COX7B2: variants seen among roughly 807,000 people sequenced by gnomAD.
COX7B2 encodes cytochrome c oxidase subunit 7B2, also known as cytochrome c oxidase subunit 7B2, mitochondrial.
For synonymous variants in COX7B2, 37 were observed against 32.1 expected, an observed-to-expected ratio of 1.15 and a Z score of -0.51; for missense variants, 109 against 95.9, an observed-to-expected ratio of 1.14 and a Z score of -0.57.
chr4:46,790,077 G>A (rs1244554361), intron 2 of COX7B2, among the ~76,000 whole-genome samples: 1 of 151,470 alleles, frequency 6.6e-6, no homozygotes, highest in Non-Finnish European at 1.5e-5. Context: ...TATGTGAAAA[G>A]GTACTACTCT....
At chr4:46,861,362 AG>A (rs1717324281) in intron 1 of COX7B2, among the ~76,000 whole-genome samples, 1 of 152,186 alleles carries the variant, frequency 6.6e-6, no homozygotes, top group South Asian at 2.1e-4. Flanking sequence ...GAGAAAAAGT[AG>A]GTGGGAATGC....
At chr4:46,818,383 C>G (rs1347734188) in intron 2 of COX7B2, among the ~76,000 whole-genome samples, 1 of 152,068 alleles carries the variant, frequency 6.6e-6, no homozygotes, top group Non-Finnish European at 1.5e-5. Flanking sequence ...CCTGTAAACC[C>G]AGCACTTTGG....
chr4:46,765,767 C>A (rs1448870127), intron 2 of COX7B2, among the ~76,000 whole-genome samples: 2 of 151,998 alleles, frequency 1.3e-5, no homozygotes, highest in Non-Finnish European at 2.9e-5. Flanking sequence ...ACAACTGAGT[C>A]CCCAGGCTCC....
At chr4:46,763,136 TATA>T (rs1716316412) in intron 2 of COX7B2, among the ~76,000 whole-genome samples, 1 of 94,160 alleles carries the variant, frequency 1.1e-5, no homozygotes, top group African/African-American at 4.0e-5. Flanking sequence ...ATTATAATTG[TATA>T]ATTATATATT....
At chr4:46,753,335 T>C (rs1383183150) in intron 2 of COX7B2, among the ~76,000 whole-genome samples, 1 of 152,134 alleles carries the variant, frequency 6.6e-6, no homozygotes, top group Non-Finnish European at 1.5e-5. Flanking sequence ...TTGCTAGTGG[T>C]CTATCAATTT....
chr4:46,766,335 TTTG>T (rs1175560999), intron 2 of COX7B2, among the ~76,000 whole-genome samples: 1 of 152,162 alleles, frequency 6.6e-6, no homozygotes, highest in Non-Finnish European at 1.5e-5. Context: ...CCTACAATAA[TTTG>T]TTAACAAATC....
At chr4:46,774,402 T>C (rs1208934446) in intron 2 of COX7B2, among the ~76,000 whole-genome samples, 2 of 151,854 alleles carry the variant, frequency 1.3e-5, no homozygotes, top group Non-Finnish European at 2.9e-5. Context: ...TTTGCTACAG[T>C]GCTTTAGTTT....
intron 2 of COX7B2, among the ~76,000 whole-genome samples, chr4:46,764,345 G>A (rs1716395877): frequency 6.6e-6 from 1 of 151,532 alleles, no homozygotes; most frequent in African/African-American, 2.4e-5. Flanking sequence ...AGGAGTTCAA[G>A]ACCAGCCTGA....
chr4:46,854,112 A>C (rs1393563319), intron 1 of COX7B2, among the ~76,000 whole-genome samples: 1 of 152,154 alleles, frequency 6.6e-6, no homozygotes, highest in Non-Finnish European at 1.5e-5. Flanking sequence ...AGTGCCTCTT[A>C]ATTAGTCACT....
chr4:46,898,879 A>G (rs985896858), intron 1 of COX7B2, among the ~76,000 whole-genome samples: 1 of 152,184 alleles, frequency 6.6e-6, no homozygotes, highest in African/African-American at 2.4e-5. Context: ...TCATAAAATT[A>G]GATTATCAAA....
chr4:46,839,115 T>C (rs1169059169), intron 2 of COX7B2, among the ~76,000 whole-genome samples: 1 of 152,036 alleles, frequency 6.6e-6, no homozygotes, highest in Non-Finnish European at 1.5e-5. Flanking sequence ...GCTTCTGGCT[T>C]TTCTCACAGA....
chr4:46,778,350 C>G (rs1453346335), intron 2 of COX7B2, among the ~76,000 whole-genome samples: 1 of 152,082 alleles, frequency 6.6e-6, no homozygotes, highest in African/African-American at 2.4e-5. Flanking sequence ...TTTCAATATA[C>G]AGTAACAATG....
chr4:46,802,064 A>G (rs1192437220), intron 2 of COX7B2, among the ~76,000 whole-genome samples: 1 of 152,158 alleles, frequency 6.6e-6, no homozygotes, highest in Non-Finnish European at 1.5e-5. Flanking sequence ...CAACCAGCTT[A>G]GAAGGCAATG....
At chr4:46,766,694 C>A (rs1716559254) in intron 2 of COX7B2, among the ~76,000 whole-genome samples, 1 of 142,990 alleles carries the variant, frequency 7.0e-6, no homozygotes, top group Admixed American at 7.2e-5. Context: ...AAGAGAGACT[C>A]CGTCTCGAAA....
At chr4:46,746,295 G>T (rs2109415190) in intron 2 of COX7B2, among the ~76,000 whole-genome samples, 1 of 152,278 alleles carries the variant, frequency 6.6e-6, no homozygotes, top group African/African-American at 2.4e-5. Context: ...CTCCTTTCCT[G>T]GCTTTATACT....
At chr4:46,750,021 C>T (rs914657817) in intron 2 of COX7B2, among the ~76,000 whole-genome samples, 1 of 152,118 alleles carries the variant, frequency 6.6e-6, no homozygotes, top group African/African-American at 2.4e-5. Flanking sequence ...ACTGGGTGTA[C>T]ATTCCTATTC....
intron 2 of COX7B2, among the ~76,000 whole-genome samples, chr4:46,843,622 C>A (rs1301509756): frequency 4.6e-5 from 7 of 151,558 alleles, no homozygotes; most frequent in Admixed American, 4.6e-4. Context: ...GAGAGAGGAA[C>A]ATAGAGAAAA....
At chr4:46,841,226 C>A (rs1276547390) in intron 2 of COX7B2, among the ~76,000 whole-genome samples, 3 of 151,762 alleles carry the variant, frequency 2.0e-5, no homozygotes, top group Non-Finnish European at 4.4e-5. Flanking sequence ...AGGTGGAATC[C>A]AGTTAGGAAA....
intron 2 of COX7B2, among the ~76,000 whole-genome samples, chr4:46,844,202 C>G (rs911583544): frequency 1.3e-5 from 2 of 151,924 alleles, no homozygotes; most frequent in Non-Finnish European, 2.9e-5. Flanking sequence ...CACCAAATAA[C>G]TTGATTATCC....
Sources: gnomAD v4.1 joint callset for allele counts (sites outside exome capture counted in the v4.1 genomes callset) on GRCh38, gnomAD v4.1.1 for gene constraint, MANE v1.5 for transcripts, NCBI Gene and HGNC (gene_info 2026-07-23, HGNC 2026-07-21) for gene names.